Variants in SMC5 observed in about 807,000 individuals in gnomAD.
SMC5 encodes structural maintenance of chromosomes 5.
A neutral mutation model predicts 148.3 loss-of-function variants in SMC5; 88 were observed. The observed-to-expected ratio is 0.59, with a 90% CI of 0.50 to 0.71. SMC5 has a LOEUF of 0.71. Ranked by LOEUF, SMC5 falls within the 30% of genes least tolerant of loss-of-function variation. The probability of loss-of-function intolerance (pLI) is 0.00; values close to 1 mark genes in which losing one functional copy is unlikely to be tolerated. For missense variants in SMC5, 1,142 were observed against 1,298.9 expected (o/e 0.88, Z 1.86); for synonymous variants, 421 against 432.8 (o/e 0.97, Z 0.34).
rs1279630218 is a variant in SMC5, at chr9:70,301,131, G to A, written c.1464+931G>A. On this transcript the variant is annotated intron_variant, in intron 10 of 24. Transcript: ENST00000361138. ...CAAGAAGAGAATTTCTATTTTAGATGCATTGTTTTGATTAGTCTGATGAGG... is the reference window on the plus strand; with the variant it reads ...CAAGAAGAGAATTTCTATTTTAGATACATTGTTTTGATTAGTCTGATGAGG... 2.0e-5 allele frequency among the ~76,000 whole-genome samples: 3 copies of A among 152,046 alleles called. No individual in the cohort carries two copies. The South Asian group carries it at 6.2e-4, about 32-fold the overall frequency.
chr9:70,277,325 A>C lies in SMC5; in HGVS notation c.396A>C (p.Gly132=), dbSNP rs760122316. ...MVEIELFRAS[G]NLVITREIDV... is the part of the protein sequence containing the mutation. ...TTTTAATTAGGTTCAGGGCTTCTGG[A>C]AATCTTGTAATCACCCGTGAGATTG... is the stretch of plus-strand genomic sequence containing the variant. The change falls in exon 4 of 25, where the codon GGA becomes GGC. Residue 132 remains glycine, a synonymous_variant. Transcript: ENST00000361138. 1.3e-6 allele frequency: 2 copies of C among 1,564,556 alleles called. No homozygotes were observed. The highest frequency in any genetic ancestry group is 8.6e-7 in the Non-Finnish European group (1 of 1,158,868).
At position 70,264,370 on chromosome 9, in the gene SMC5, A is replaced by G. The variant is rs1223182845; in HGVS notation, c.252A>G (p.Thr84=). The change falls in exon 2 of 25, where the codon ACA becomes ACG. Residue 84 remains threonine, a synonymous_variant. Coordinates refer to ENST00000361138, the MANE Select transcript of SMC5 (RefSeq NM_015110.4). ...HLNMIVGANG[T]GKSSIVCAIC... ...ATATGATCGTTGGAGCCAATGGAACAGGGAAGTCGAGCATTGTGTGTGCCA... is the reference window on the plus strand; with the variant it reads ...ATATGATCGTTGGAGCCAATGGAACGGGGAAGTCGAGCATTGTGTGTGCCA... 2 of 1,614,082 alleles carry G rather than the reference A, an allele frequency of 1.2e-6. No homozygotes were observed. The highest frequency in any genetic ancestry group is 1.1e-5 in the South Asian group (1 of 91,078).
At chr9:70,322,701 C>T (rs944432262) in intron 15 of SMC5, among the ~76,000 whole-genome samples, 31 of 151,652 alleles carry the variant, frequency 2.0e-4, no homozygotes, top group African/African-American at 6.8e-4. Flanking sequence ...CCGGGCATGG[C>T]GGTGGGCGCC....
intron 10 of SMC5, among the ~76,000 whole-genome samples, chr9:70,304,033 T>C (rs1374974902): frequency 6.6e-6 from 1 of 152,194 alleles, no homozygotes; most frequent in Admixed American, 6.5e-5. Flanking sequence ...CCCTAGCTTG[T>C]CTTAGTATCT....
In SMC5 at chr9:70,267,982, G is replaced by T. The variant is rs777214257; in HGVS notation, c.380+7G>T. 6.2e-7 allele frequency: 1 copy of T among 1,607,394 alleles called. No homozygotes were observed. Among genetic ancestry groups the T allele is most frequent in the Non-Finnish European group, 8.5e-7 (1 of 1,177,562 alleles). On this transcript the variant is annotated splice_region_variant and intron_variant, in intron 3 of 24. Transcript: ENST00000361138. ...GCATGGTTGAAATTGAATTGTAAGT[G>T]TTAAAAGTGCTAAAACTCCTTTTTC...
intron 17 of SMC5, among the ~76,000 whole-genome samples, chr9:70,334,129 GT>G (rs75387148): frequency 1.2e-3 from 163 of 133,954 alleles, no homozygotes; most frequent in African/African-American, 1.9e-3. Flanking sequence ...AGTTGTTGTT[GT>G]TTTTTTTTTT....
intron 8 of SMC5, among the ~76,000 whole-genome samples, chr9:70,289,468 A>G (rs1471169300): frequency 1.3e-5 from 2 of 151,898 alleles, no homozygotes; most frequent in African/African-American, 4.8e-5. Context: ...TTTCTGTACC[A>G]TGTTTTAGTT....
intron 10 of SMC5, among the ~76,000 whole-genome samples, chr9:70,304,313 C>G (rs1433018422): frequency 2.6e-5 from 4 of 151,996 alleles, no homozygotes; most frequent in Non-Finnish European, 5.9e-5. Context: ...TTCTGGCTTC[C>G]AGTGTTATCC....
At chr9:70,317,908 G>A (rs1482198694) in intron 13 of SMC5, among the ~76,000 whole-genome samples, 1 of 152,124 alleles carries the variant, frequency 6.6e-6, no homozygotes, top group Admixed American at 6.5e-5. Flanking sequence ...GAGAGGAGGG[G>A]AGAGTAAATG....
intron 10 of SMC5, among the ~76,000 whole-genome samples, chr9:70,301,429 C>T (rs2035354050): frequency 6.6e-6 from 1 of 152,160 alleles, no homozygotes; most frequent in Non-Finnish European, 1.5e-5. Flanking sequence ...AACCTTTCAC[C>T]TTTCCTGCCA....
chr9:70,348,126 G>C (rs1250936016), intron 22 of SMC5, 88 bp downstream of exon 22: 1 of 1,203,238 alleles, frequency 8.3e-7, no homozygotes, highest in Non-Finnish European at 1.1e-6. Flanking sequence ...ATTTACTTTT[G>C]AGTTATATCT....
At chr9:70,279,948 T>A (rs1196031665) in intron 5 of SMC5, among the ~76,000 whole-genome samples, 1 of 152,168 alleles carries the variant, frequency 6.6e-6, no homozygotes, top group African/African-American at 2.4e-5. Flanking sequence ...CATAGAAATC[T>A]TGTAACCAAT....
intron 15 of SMC5, among the ~76,000 whole-genome samples, chr9:70,322,377 T>C (rs1311714713): frequency 6.6e-6 from 1 of 152,230 alleles, no homozygotes; most frequent in East Asian, 1.9e-4. Context: ...AGATGACTTT[T>C]CATACGTGTT....
Position 70,273,557 on chromosome 9 carries a change from C to T in SMC5, c.381-3753C>T, listed in dbSNP as rs539447905. Among the ~76,000 whole-genome samples, 9 of 152,082 alleles carry T rather than the reference C, an allele frequency of 5.9e-5. No individual in the cohort carries two copies. The South Asian group carries it at 1.9e-3, about 32-fold the overall frequency. ...TTTTTTGAAATGGATATTTATTGCA[C>T]TAATTTTTAGTCTTGTTTACCCTAA... On this transcript the variant is annotated intron_variant, in intron 3 of 24. Coordinates refer to ENST00000361138, the MANE Select transcript of SMC5 (RefSeq NM_015110.4).
At chr9:70,344,932 T>G (rs902885567) in intron 18 of SMC5, among the ~76,000 whole-genome samples, 1 of 152,128 alleles carries the variant, frequency 6.6e-6, no homozygotes, top group African/African-American at 2.4e-5. Context: ...CAGTAGATAA[T>G]GAAATGGCTA....
chr9:70,299,952 T>C (rs1484239346), intron 9 of SMC5, 94 bp from the exon 10 acceptor site: 21 of 1,173,632 alleles, frequency 1.8e-5, no homozygotes, highest in Non-Finnish European at 2.3e-5. Context: ...TTTGTAACCT[T>C]TAGAACTAGG....
intron 10 of SMC5, among the ~76,000 whole-genome samples, chr9:70,301,375 T>G (rs2035352669): frequency 6.6e-6 from 1 of 152,184 alleles, no homozygotes; most frequent in Non-Finnish European, 1.5e-5. Flanking sequence ...ATTCGAATCT[T>G]TGAGATAAAG....
At chr9:70,337,246 G>C (rs1174744213) in intron 17 of SMC5, among the ~76,000 whole-genome samples, 2 of 152,082 alleles carry the variant, frequency 1.3e-5, no homozygotes, top group African/African-American at 2.4e-5. Flanking sequence ...TTAAGAAAAC[G>C]ATTTGTTTGT....
In SMC5 at chr9:70,346,647, A is replaced by G; in HGVS notation, c.2566A>G (p.Met856Val). Residue 856 changes from methionine (M) to valine (V), a missense_variant and splice_region_variant, in exon 19 of 25, where the codon ATG becomes GTG. By Grantham distance (21) the Met-to-Val change is conservative (BLOSUM62 1). Around this residue, in one of 5 missense-constraint regions of SMC5, gnomAD observed 743 missense variants for 835.7 expected, o/e 0.89. Transcript: ENST00000361138. The part of the protein sequence containing the change: ...IPNGHNSSLP[M>V]VFQDLPNTLD... ...AAATGGACACAACTCCTCACTCCCC[A>G]TGGTATGCAGTACTCATTCTTTTTT... The G allele has an allele frequency of 1.2e-6, 2 of 1,613,884 alleles. No individual in the cohort carries two copies. The highest frequency in any genetic ancestry group is 1.6e-4 in the Middle Eastern group (1 of 6,062).
Sources: allele counts gnomAD v4.1 joint callset (sites outside exome capture counted in the v4.1 genomes callset), GRCh38; gene constraint gnomAD v4.1.1; regional missense constraint gnomAD v4.1.1; transcripts MANE v1.5; gene names NCBI Gene and HGNC (gene_info 2026-07-23, HGNC 2026-07-21).